MTPAP: variants seen among roughly 807,000 people sequenced by gnomAD.
The protein encoded by MTPAP is mitochondrial poly(A) polymerase, also known as poly(A) RNA polymerase, mitochondrial.
A neutral mutation model predicts 48.7 loss-of-function variants in MTPAP; 23 were observed. The observed-to-expected ratio is 0.47, with a 90% confidence interval of 0.34 to 0.67. The LOEUF is 0.67. Among genes scored for constraint, MTPAP ranks in the 30% least tolerant of loss-of-function variants. The probability of loss-of-function intolerance (pLI) is 0.01; values close to 1 mark genes in which losing one functional copy is unlikely to be tolerated. For synonymous variants in MTPAP, 257 were observed against 254.1 expected (o/e 1.01, Z -0.11); for missense variants, 614 against 694.3 (o/e 0.88, Z 1.30).
chr10:30,323,252 G>A (rs988713571), intron 5 of MTPAP, among the ~76,000 whole-genome samples: 1 of 150,620 alleles, frequency 6.6e-6, no homozygotes, highest in African/African-American at 2.4e-5. Flanking sequence ...CAGGATTTGA[G>A]ACCAGCCTGG....
intron 1 of MTPAP, among the ~76,000 whole-genome samples, chr10:30,343,205 T>A (rs1227104330): frequency 2.6e-5 from 4 of 151,964 alleles, no homozygotes. Context: ...TCCCAGCACT[T>A]TGGGAGACGG....
intron 4 of MTPAP, among the ~76,000 whole-genome samples, chr10:30,328,134 A>T (rs1219793376): frequency 2.0e-5 from 3 of 152,352 alleles, no homozygotes; most frequent in Non-Finnish European, 4.4e-5. Flanking sequence ...CGAAAGGGAG[A>T]AACCCATCAA....
intron 1 of MTPAP, among the ~76,000 whole-genome samples, chr10:30,344,402 G>C (rs1834846657): frequency 6.6e-6 from 1 of 152,174 alleles, no homozygotes; most frequent in Admixed American, 6.5e-5. Context: ...TTCCACCTCT[G>C]TATTACCTTA....
chr10:30,340,051 C>G, intron 3 of MTPAP, 175 bp downstream of exon 3: 1 of 626,960 alleles, frequency 1.6e-6, no homozygotes, highest in Non-Finnish European at 2.8e-6. Flanking sequence ...AAAAAACTTT[C>G]CTTCATCTCA....
intron 1 of MTPAP, among the ~76,000 whole-genome samples, chr10:30,348,033 C>T (rs546258389): frequency 1.3e-5 from 2 of 152,324 alleles, no homozygotes; most frequent in South Asian, 2.1e-4. Flanking sequence ...TCCACACCTA[C>T]GCTACAGGGT....
At chr10:30,340,090 C>T (rs1361108916) in intron 3 of MTPAP, 136 bp downstream of exon 3, 2 of 790,542 alleles carry the variant, frequency 2.5e-6, no homozygotes, top group East Asian at 2.7e-5. Flanking sequence ...GATTCATCTC[C>T]GTAACTCTTT....
Position 30,310,105 on chromosome 10 carries a change from G to A in MTPAP, c.*3504C>T, listed in dbSNP as rs1840573118. 6.6e-6 allele frequency: 1 copy of A among 152,006 alleles called. No homozygotes were observed. Among genetic ancestry groups the A allele is most frequent in the African/African-American group, 2.4e-5 (1 of 41,396 alleles). 9.4% of individuals were successfully genotyped at this position (152,006 alleles called of 1,614,324 possible). ...TAATAGTTATAGAAGAAAAAAACTT[G>A]AAAAAAGTTTTACTTAACATTGCAA... is the stretch of plus-strand genomic sequence containing the variant. On this transcript the variant is annotated 3_prime_UTR_variant, in exon 9 of 9. Transcript: ENST00000263063.
intron 1 of MTPAP, among the ~76,000 whole-genome samples, chr10:30,348,534 G>A (rs964470671): frequency 6.6e-6 from 1 of 152,176 alleles, no homozygotes; most frequent in African/African-American, 2.4e-5. Flanking sequence ...AATACACAAA[G>A]AAGCATATAA....
rs77866325 is a variant in MTPAP at position 30,337,638 on chromosome 10, A to G, written c.556-611T>C. ...AAAAGCTCTGAGGAATGCCACTAGC[A>G]AAATGAAAGTTGGCTAGAATTAAAA... On this transcript the variant is annotated intron_variant, in intron 3 of 8. Coordinates refer to ENST00000263063, the MANE Select transcript of MTPAP (RefSeq NM_018109.4). 1.1e-3 allele frequency among the ~76,000 whole-genome samples: 171 copies of G among 152,330 alleles called. 1 individual carries two copies. The East Asian group carries it at 0.029, about 25-fold the overall frequency.
At chr10:30,323,451 C>CAAAAAAAAAAAAAA (rs755342499) in intron 5 of MTPAP, among the ~76,000 whole-genome samples, 5 of 84,676 alleles carry the variant, frequency 5.9e-5, no homozygotes, top group African/African-American at 1.1e-4. Context: ...GACCCTGCCT[C>CAAAAAAAAAAAAAA]AAAAAAAAAA....
chr10:30,315,921 G>A lies in MTPAP; in HGVS notation c.1386+42C>T, dbSNP rs1840656178. On this transcript the variant is annotated intron_variant, in intron 8 of 8. Coordinates refer to ENST00000263063, the MANE Select transcript of MTPAP (RefSeq NM_018109.4). ...CAGTTAATTAAATATTAGTACAGTG[G>A]AAGACCAGATACTAATAACTAAATA... 3.4e-6 allele frequency: 5 copies of A among 1,481,442 alleles called. No homozygotes were observed. In the South Asian group the frequency reaches 3.5e-5, roughly 10 times the overall value. The allele number at this position is 1,481,442 out of a possible 1,614,324, so 91.8% of individuals were successfully genotyped here.
chr10:30,329,418 C>A (rs1156656609), intron 4 of MTPAP, among the ~76,000 whole-genome samples: 3 of 151,922 alleles, frequency 2.0e-5, no homozygotes, highest in African/African-American at 7.2e-5. Context: ...AGCAGAGATG[C>A]GGTCTCCCCC....
intron 1 of MTPAP, among the ~76,000 whole-genome samples, chr10:30,343,993 G>C (rs1156272599): frequency 6.6e-6 from 1 of 152,086 alleles, no homozygotes; most frequent in African/African-American, 2.4e-5. Context: ...ATTCACCCTA[G>C]TTTTGTTTTT....
chr10:30,318,146 A>G (rs1296674345), intron 6 of MTPAP, among the ~76,000 whole-genome samples: 1 of 152,218 alleles, frequency 6.6e-6, no homozygotes, highest in Admixed American at 6.5e-5. Flanking sequence ...GGCGTGAGCC[A>G]CCGTGCCCGG....
chr10:30,346,960 C>A (rs1273826678), intron 1 of MTPAP, among the ~76,000 whole-genome samples: 2 of 152,148 alleles, frequency 1.3e-5, no homozygotes, highest in Admixed American at 1.3e-4. Flanking sequence ...CAAAAAACAG[C>A]TAAGGAAAAT....
intron 4 of MTPAP, among the ~76,000 whole-genome samples, chr10:30,331,780 T>C (rs977763848): frequency 6.6e-6 from 1 of 152,254 alleles, no homozygotes; most frequent in Admixed American, 6.5e-5. Flanking sequence ...TTGGCCAGGC[T>C]GGCCTTGAAC....
Position 30,341,924 on chromosome 10 carries a change from T to C in MTPAP, c.158-284A>G, listed in dbSNP as rs367821258. Among the ~76,000 whole-genome samples the C allele has an allele frequency of 4.5e-4, 68 of 152,238 alleles. 2 individuals are homozygous for C. In the South Asian group the frequency reaches 0.011, roughly 26 times the overall value. Reference sequence around the variant, plus strand: ...CATTGCTATGATAAGGCTTAATTTATAAATTAGGCACAGTAAGAGATTAAT... The same window carrying C: ...CATTGCTATGATAAGGCTTAATTTACAAATTAGGCACAGTAAGAGATTAAT... On this transcript the variant is annotated intron_variant, in intron 1 of 8. Transcript: ENST00000263063.
chr10:30,346,463 T>C (rs962222762), intron 1 of MTPAP, among the ~76,000 whole-genome samples: 3 of 152,176 alleles, frequency 2.0e-5, no homozygotes, highest in Non-Finnish European at 4.4e-5. Flanking sequence ...TGTAAGAATC[T>C]GAGAGCTGAG....
chr10:30,341,748 TA>T, intron 1 of MTPAP, 108 bp from the exon 2 acceptor site: 1 of 1,140,484 alleles, frequency 8.8e-7, no homozygotes, highest in South Asian at 1.3e-5. Flanking sequence ...CAACTTCACC[TA>T]ATCTATTTTT....
Sources: allele counts gnomAD v4.1 joint callset (sites outside exome capture counted in the v4.1 genomes callset), GRCh38; gene constraint gnomAD v4.1.1; transcripts MANE v1.5; gene names NCBI Gene and HGNC (gene_info 2026-07-23, HGNC 2026-07-21).